Variants in B4GALNT1 observed in about 807,000 individuals in gnomAD.
The protein encoded by B4GALNT1 is beta-1,4-N-acetyl-galactosaminyltransferase 1.
In B4GALNT1, 43 loss-of-function variants were observed where a neutral mutation model predicts 55.2. The ratio of observed to expected loss-of-function variants is 0.78; its 90% confidence interval spans 0.61 to 1.00. The LOEUF is 1.00. Ranked by LOEUF, B4GALNT1 falls within the 50% of genes least tolerant of loss-of-function variation. B4GALNT1 has a pLI of 0.00. For missense variants in B4GALNT1, 664 were observed against 729.7 expected, an observed-to-expected ratio of 0.91 and a Z score of 1.04; for synonymous variants, 305 against 311.6, an observed-to-expected ratio of 0.98 and a Z score of 0.22.
At position 57,623,938 on chromosome 12, in the gene B4GALNT1, A is replaced by G. The variant is rs1317392396; in HGVS notation, c.*2806T>C. Reference sequence around the variant, plus strand: ...GGTAATGAGCAGAGGAGGCATGAGCATGGCTGGGAGGGGTAGCTGTATTCC... The same window carrying G: ...GGTAATGAGCAGAGGAGGCATGAGCGTGGCTGGGAGGGGTAGCTGTATTCC... On this transcript the variant is annotated 3_prime_UTR_variant, in exon 11 of 11. Coordinates refer to ENST00000341156, the MANE Select transcript of B4GALNT1 (RefSeq NM_001478.5). 14 of 1,613,708 alleles carry G rather than the reference A, an allele frequency of 8.7e-6. No individual in the cohort carries two copies. The highest frequency in any genetic ancestry group is 1.2e-5 in the Non-Finnish European group (14 of 1,179,854).
chr12:57,627,941 G>T, intron 9 of B4GALNT1, 83 bp from the exon 10 acceptor site: 1 of 1,472,400 alleles, frequency 6.8e-7, no homozygotes, highest in East Asian at 2.4e-5. Flanking sequence ...GGTGCCTTCG[G>T]GGGTACCCCT....
chr12:57,628,863 C>G lies in B4GALNT1; in HGVS notation c.852G>C (p.Lys284Asn), dbSNP rs759890503. The G allele has an allele frequency of 1.2e-6, 2 of 1,614,206 alleles. No homozygotes were observed. Among genetic ancestry groups the G allele is most frequent in the Non-Finnish European group, 1.7e-6 (2 of 1,180,044 alleles). The change falls in exon 8 of 11, where the codon AAG (lysine) becomes AAC (asparagine). Residue 284 changes from lysine (K) to asparagine (N), a missense_variant. By Grantham distance (94) the Lys-to-Asn change is moderately conservative (BLOSUM62 0). Transcript: ENST00000341156. ...NISALVTIAT[K>N]TFLRYDRLRA... ...GTAGCCGATCATAACGGAGGAAGGT[C>G]TTGGTGGCAATCGTGACTAGAGCGC...
At chr12:57,627,103 C>T (rs188422872) in intron 10 of B4GALNT1, 142 bp from the exon 11 acceptor site, 1 of 701,100 alleles carries the variant, frequency 1.4e-6, no homozygotes, top group East Asian at 2.7e-5. Flanking sequence ...AAATCAACTC[C>T]CTGGGTCTCA....
intron 1 of B4GALNT1, 92 bp downstream of exon 1, chr12:57,632,680 G>A (rs1885305524): frequency 1.1e-5 from 2 of 181,308 alleles, no homozygotes; most frequent in South Asian, 1.8e-4. Flanking sequence ...GGGACAGAGT[G>A]GACCGGGAAG....
At chr12:57,629,176 T>C (rs1275904655) in intron 6 of B4GALNT1, 30 bp from the exon 7 acceptor site, 11 of 1,524,164 alleles carry the variant, frequency 7.2e-6, no homozygotes, top group Non-Finnish European at 9.8e-6. Context: ...CATTTGACCC[T>C]GAAGGGTGGG....
Position 57,630,241 on chromosome 12 carries a change from A to C in B4GALNT1, c.623T>G (p.Leu208Arg), listed in dbSNP as rs1322992281. Residue 208 changes from leucine (L) to arginine (R), a missense_variant, in exon 6 of 11, where the codon CTT (leucine) becomes CGT (arginine). Transcript: ENST00000341156. The stretch of plus-strand genomic sequence containing the variant: ...GAGTTGGTCCAGCCCTGGGCTGACA[A>C]GGGTGAGATCTGCCTGACCCTCTCC... The part of the protein sequence containing the change: ...LTGEGQADLT[L>R]VSPGLDQLNR... 3 of 1,614,108 alleles carry C rather than the reference A, an allele frequency of 1.9e-6. No individual in the cohort carries two copies.
chr12:57,628,647 T>C lies in B4GALNT1; in HGVS notation c.1002+66A>G. On this transcript the variant is annotated intron_variant, in intron 8 of 10. Transcript: ENST00000341156. ...GTCCTCGAATCACTACCCTGGAGGCTGCAGATTGAGGGCACACCCCCTGCG... is the reference window on the plus strand; with the variant it reads ...GTCCTCGAATCACTACCCTGGAGGCCGCAGATTGAGGGCACACCCCCTGCG... 1.9e-6 allele frequency: 3 copies of C among 1,584,078 alleles called. No individual in the cohort carries two copies. The Admixed American group carries it at 5.0e-5, about 27-fold the overall frequency.
At chr12:57,628,085 C>A in intron 9 of B4GALNT1, 37 bp downstream of exon 9, 1 of 1,610,716 alleles carries the variant, frequency 6.2e-7, no homozygotes, top group Non-Finnish European at 8.5e-7. Flanking sequence ...TGTTCAAGGC[C>A]CTTCTCCACC....
rs753056447 is a variant in B4GALNT1 at position 57,624,125 on chromosome 12, G to T, written c.*2619C>A. On this transcript the variant is annotated 3_prime_UTR_variant, in exon 11 of 11. Coordinates refer to ENST00000341156, the MANE Select transcript of B4GALNT1 (RefSeq NM_001478.5). Reference sequence around the variant, plus strand: ...TGAGAAATGCCATTACCCCCAGATTGCCCCCTCTCATCTTGTTAGCATCCC... The same window carrying T: ...TGAGAAATGCCATTACCCCCAGATTTCCCCCTCTCATCTTGTTAGCATCCC... 7 of 1,608,034 alleles carry T rather than the reference G, an allele frequency of 4.4e-6. No homozygotes were observed. The highest frequency in any genetic ancestry group is 1.6e-4 in the Middle Eastern group (1 of 6,070).
chr12:57,631,121 C>CG (rs753375680), intron 3 of B4GALNT1, 35 bp from the exon 4 acceptor site: 19 of 1,607,252 alleles, frequency 1.2e-5, no homozygotes, highest in African/African-American at 2.7e-5. Context: ...AGAGCAGAGT[C>CG]GGGGGGAGAG....
At chr12:57,632,640 C>T (rs1565744943) in intron 1 of B4GALNT1, 132 bp downstream of exon 1, 1 of 197,900 alleles carries the variant, frequency 5.1e-6, no homozygotes. Flanking sequence ...GCGGAGGTGA[C>T]CCGATGAGTG....
In B4GALNT1 at chr12:57,623,997, C is replaced by G. The variant is rs914857677; in HGVS notation, c.*2747G>C. 9 of 1,611,740 alleles carry G rather than the reference C, an allele frequency of 5.6e-6. No individual in the cohort carries two copies. The African/African-American group carries it at 9.3e-5, about 17-fold the overall frequency. Reference sequence around the variant, plus strand: ...GAGGTAGTCAGCCCACCTCCTCTGCCTCAAGGCTGTCCTGGCTTGCATCAA... The same window carrying G: ...GAGGTAGTCAGCCCACCTCCTCTGCGTCAAGGCTGTCCTGGCTTGCATCAA... On this transcript the variant is annotated 3_prime_UTR_variant, in exon 11 of 11. Coordinates refer to ENST00000341156, the MANE Select transcript of B4GALNT1 (RefSeq NM_001478.5).
rs1884820377 is a variant in B4GALNT1, at chr12:57,626,540, C to T, written c.*204G>A. 3 of 610,736 alleles carry T rather than the reference C, an allele frequency of 4.9e-6. No homozygotes were observed. Among genetic ancestry groups the T allele is most frequent in the Non-Finnish European group, 8.6e-6 (3 of 348,200 alleles). The allele number at this position is 610,736 out of a possible 1,614,324, so 37.8% of individuals were successfully genotyped here. A position where few individuals can be genotyped will look rare whatever the true frequency, so the allele number is the denominator to read the frequency against. ...CTGGCTGTGGGAGAGGTTATGGCTC[C>T]ACCAGGCCTCTGGGCACTGGAAAAA... On this transcript the variant is annotated 3_prime_UTR_variant, in exon 11 of 11. Transcript: ENST00000341156.
Position 57,624,077 on chromosome 12 carries a change from G to A in B4GALNT1, c.*2667C>T, listed in dbSNP as rs113207856. ...AGATGCAGGAACTTCCACAACTATGGCACATCAGCCGAGTGGACTTTGTGA... is the reference window on the plus strand; with the variant it reads ...AGATGCAGGAACTTCCACAACTATGACACATCAGCCGAGTGGACTTTGTGA... On this transcript the variant is annotated 3_prime_UTR_variant, in exon 11 of 11. Transcript: ENST00000341156. 5.2e-3 allele frequency: 8,364 copies of A among 1,613,852 alleles called. 27 individuals are homozygous for A. Among genetic ancestry groups the A allele is most frequent in the Non-Finnish European group, 6.1e-3 (7,208 of 1,179,916 alleles).
At chr12:57,627,881 T>A in intron 9 of B4GALNT1, 23 bp from the exon 10 acceptor site, 1 of 1,553,620 alleles carries the variant, frequency 6.4e-7, no homozygotes, top group Admixed American at 1.8e-5. Context: ...GGAGGTTGCC[T>A]CCAGGCGGGC....
Position 57,623,914 on chromosome 12 carries a change from G to A in B4GALNT1, c.*2830C>T, listed in dbSNP as rs770467812. ...GCCCTTCTTTTACTATCTGCCCAAG[G>A]TAATGAGCAGAGGAGGCATGAGCAT... is the stretch of plus-strand genomic sequence containing the variant. On this transcript the variant is annotated 3_prime_UTR_variant, in exon 11 of 11. Transcript: ENST00000341156. 4.3e-6 allele frequency: 7 copies of A among 1,614,030 alleles called. No homozygotes were observed. The highest frequency in any genetic ancestry group is 5.9e-6 in the Non-Finnish European group (7 of 1,179,938).
Position 57,624,712 on chromosome 12 carries a change from C to G in B4GALNT1, c.*2032G>C, listed in dbSNP as rs550905929. 3 of 807,922 alleles carry G rather than the reference C, an allele frequency of 3.7e-6. No individual in the cohort carries two copies. In the South Asian group the frequency reaches 4.1e-5, roughly 11 times the overall value. 50.0% of individuals were successfully genotyped at this position (807,922 alleles called of 1,614,324 possible). A position where few individuals can be genotyped will look rare whatever the true frequency, so the allele number is the denominator to read the frequency against. On this transcript the variant is annotated 3_prime_UTR_variant, in exon 11 of 11. Transcript: ENST00000341156. Reference sequence around the variant, plus strand: ...GGCTAAGCTGGAAATCTGGCCCCACCTTCTTCCCTAGGGTGTAGTGCCTGG... The same window carrying G: ...GGCTAAGCTGGAAATCTGGCCCCACGTTCTTCCCTAGGGTGTAGTGCCTGG...
Position 57,628,279 on chromosome 12 carries a change from T to A in B4GALNT1, c.1003-17A>T, listed in dbSNP as rs141521727. ...GAACCAGCCCTGGCAGAAAGGTGTG[T>A]GTGGTTGGGGAGGCTGCAGAAATAG... On this transcript the variant is annotated splice_polypyrimidine_tract_variant and intron_variant, in intron 8 of 10. Coordinates refer to ENST00000341156, the MANE Select transcript of B4GALNT1 (RefSeq NM_001478.5). 3.7e-5 allele frequency: 60 copies of A among 1,614,040 alleles called. No homozygotes were observed. The African/African-American group carries it at 6.9e-4, about 19-fold the overall frequency.
rs1349409804 is a variant in B4GALNT1 at position 57,627,738 on chromosome 12, C to A, written c.1264G>T (p.Glu422Ter). 3 of 1,610,402 alleles carry A rather than the reference C, an allele frequency of 1.9e-6. No individual in the cohort carries two copies. Among genetic ancestry groups the A allele is most frequent in the Admixed American group, 1.7e-5 (1 of 59,698 alleles). Residue 422 changes from glutamate to a stop codon, truncating the protein, a stop_gained, in exon 10 of 11, where the codon GAG (glutamate) becomes TAG (stop). Transcript: ENST00000341156. LOFTEE classifies it high-confidence loss of function. ...ACGCAGCCTGGGAAGCCGACGAGCT[C>A]GTGGTGGAAGCCGCGCCTTTGCCGG... ...CLRQRRGFHH[E>*]LVGFPGCVVT...
Sources: gnomAD v4.1 joint callset for allele counts on GRCh38, gnomAD v4.1.1 for gene constraint, MANE v1.5 for transcripts, NCBI Gene and HGNC (gene_info 2026-07-23, HGNC 2026-07-21) for gene names.